TRPC5: variants seen among roughly 807,000 people sequenced by gnomAD.
TRPC5 encodes transient receptor potential cation channel subfamily C member 5, also known as short transient receptor potential channel 5.
TRPC5 carries 9 observed loss-of-function variants against 56.5 expected under a neutral mutation model. The ratio of observed to expected loss-of-function variants is 0.16; its 90% CI spans 0.10 to 0.28. TRPC5 has a LOEUF of 0.28. Among genes scored for constraint, TRPC5 ranks in the 10% least tolerant of loss-of-function variants. The probability of loss-of-function intolerance (pLI) is 1.00; values close to 1 mark genes in which losing one functional copy is unlikely to be tolerated. For synonymous variants in TRPC5, 282 were observed against 278.5 expected (o/e 1.01, Z -0.13); for missense variants, 469 against 748.9 (o/e 0.63, Z 4.36).
At chrX:111,958,619 C>T (rs1308853475) in intron 1 of TRPC5, among the ~76,000 whole-genome samples, 3 of 112,492 alleles carry the variant, frequency 2.7e-5, no homozygotes, top group Non-Finnish European at 5.6e-5. Context: ...GCCCCTCCTT[C>T]ACCTCAAGGA....
At chrX:111,875,444 C>A (rs1158129227) in intron 3 of TRPC5, among the ~76,000 whole-genome samples, 1 of 110,317 alleles carries the variant, frequency 9.1e-6, no homozygotes, top group Non-Finnish European at 1.9e-5. Context: ...GGACTGACAG[C>A]AGGGGATTCA....
rs754178440 is a variant in TRPC5 at position 111,770,420 on chromosome X, G to A, written c.*5893C>T. Among the ~76,000 whole-genome samples the A allele has an allele frequency of 2.7e-4, 30 of 111,672 alleles. No homozygotes were observed. Among genetic ancestry groups the A allele is most frequent in the South Asian group, 7.5e-4 (2 of 2,662 alleles). ...CCCAAAATTTGAAAAATGATTTACC[G>A]GTAGTTCTGCTTTCATATATTGTTG... On this transcript the variant is annotated 3_prime_UTR_variant, in exon 11 of 11. Coordinates refer to ENST00000262839, the MANE Select transcript of TRPC5 (RefSeq NM_012471.3).
chrX:112,080,395 T>TACACACAC (rs201063739), intron 1 of TRPC5, among the ~76,000 whole-genome samples: 1,729 of 79,145 alleles, frequency 0.022, 20 homozygotes, highest in Non-Finnish European at 0.029. Flanking sequence ...AAAAACTACA[T>TACACACAC]ACACACACAC....
At chrX:111,817,639 A>G (rs1291571890) in intron 7 of TRPC5, among the ~76,000 whole-genome samples, 1 of 110,811 alleles carries the variant, frequency 9.0e-6, no homozygotes, top group African/African-American at 3.3e-5. Flanking sequence ...TCTGATTTTT[A>G]CACCCACTCT....
chrX:111,952,397 C>T lies in TRPC5; in HGVS notation c.24G>A (p.Lys8=), dbSNP rs774158098. The T allele has an allele frequency of 5.8e-6, 7 of 1,204,941 alleles. No individual in the cohort carries two copies. In the East Asian group the frequency reaches 1.2e-4, roughly 20 times the overall value. Residue 8 remains lysine (K), a synonymous_variant, in exon 2 of 11, where the codon AAG becomes AAA. Coordinates refer to ENST00000262839, the MANE Select transcript of TRPC5 (RefSeq NM_012471.3). MAQLYYK[K]VNYSPYRDRI... is the part of the protein sequence containing the mutation. ...GGTCTCTGTACGGTGAGTAGTTGACCTTTTTGTAGTACAGTTGGGCCATGG... is the reference window on the plus strand; with the variant it reads ...GGTCTCTGTACGGTGAGTAGTTGACTTTTTTGTAGTACAGTTGGGCCATGG...
rs1032322824 is a variant in TRPC5, at chrX:111,770,107, A to G, written c.*6206T>C. On this transcript the variant is annotated 3_prime_UTR_variant, in exon 11 of 11. Transcript: ENST00000262839. ...AAAATATCAGTCATTATCCTATTTT[A>G]TGTTTATTCCAAATTTATGAGGCTA... is the stretch of plus-strand genomic sequence containing the variant. Among the ~76,000 whole-genome samples, 4 of 111,851 alleles carry G rather than the reference A, an allele frequency of 3.6e-5. No individual in the cohort carries two copies. The highest frequency in any genetic ancestry group is 1.3e-4 in the African/African-American group (4 of 30,802).
intron 7 of TRPC5, among the ~76,000 whole-genome samples, chrX:111,834,451 G>A (rs1359505130): frequency 1.8e-5 from 2 of 110,830 alleles, no homozygotes; most frequent in East Asian, 2.8e-4. Flanking sequence ...AAAAAACGTA[G>A]CCCCCTCCCC....
chrX:111,878,366 C>T (rs140770861), intron 3 of TRPC5, among the ~76,000 whole-genome samples: 170 of 111,162 alleles, frequency 1.5e-3, no homozygotes, highest in African/African-American at 5.1e-3. Flanking sequence ...CTGATTGCTT[C>T]AGTGTGATTG....
intron 3 of TRPC5, among the ~76,000 whole-genome samples, chrX:111,876,670 A>T (rs1923960792): frequency 1.8e-5 from 2 of 111,506 alleles, no homozygotes; most frequent in South Asian, 3.8e-4. Context: ...ATTCTGTTTC[A>T]TATGAATATC....
At chrX:111,805,874 T>C (rs1479438780) in intron 7 of TRPC5, among the ~76,000 whole-genome samples, 1 of 110,504 alleles carries the variant, frequency 9.0e-6, no homozygotes, top group Non-Finnish European at 1.9e-5. Context: ...GGTTTTGCTG[T>C]GTTGCCCAGG....
At chrX:111,905,909 T>C (rs1201878842) in intron 3 of TRPC5, among the ~76,000 whole-genome samples, 90 of 82,590 alleles carry the variant, frequency 1.1e-3, no homozygotes, top group Non-Finnish European at 1.4e-3. Context: ...AGCGAGTCTC[T>C]GTCTCAAAAA....
At chrX:112,036,827 GCCAACTACAGACCCTTCTCT>G (rs1929754315) in intron 1 of TRPC5, among the ~76,000 whole-genome samples, 2 of 111,283 alleles carry the variant, frequency 1.8e-5, no homozygotes, top group Admixed American at 1.9e-4. Context: ...TATCACTTCT[GCCAACTACAGACCCTTCTCT>G]CCACAGAGAC....
chrX:112,046,296 A>G (rs777927933), intron 1 of TRPC5, among the ~76,000 whole-genome samples: 1 of 107,338 alleles, frequency 9.3e-6, no homozygotes, highest in East Asian at 2.9e-4. Context: ...TGATCTCATC[A>G]GACCCCTTCT....
intron 2 of TRPC5, among the ~76,000 whole-genome samples, chrX:111,948,321 T>A (rs1235185687): frequency 6.3e-5 from 7 of 111,569 alleles, no homozygotes; most frequent in African/African-American, 1.3e-4. Context: ...CCTGAGGGCA[T>A]TGAGGTGCAA....
intron 2 of TRPC5, among the ~76,000 whole-genome samples, chrX:111,920,048 G>A (rs1044517295): frequency 8.9e-6 from 1 of 111,864 alleles, no homozygotes; most frequent in South Asian, 3.8e-4. Flanking sequence ...GCCTAGGTGG[G>A]CAGATCACTT....
At chrX:111,898,849 G>T (rs1330380791) in intron 3 of TRPC5, among the ~76,000 whole-genome samples, 2 of 110,149 alleles carry the variant, frequency 1.8e-5, no homozygotes, top group Non-Finnish European at 1.9e-5. Flanking sequence ...ATATCAGAAT[G>T]ACACGAAATC....
In TRPC5 at chrX:111,776,708, TGA is replaced by T; in HGVS notation, c.2525_2526del (p.Leu842GlnfsTer11). On this transcript the variant is annotated frameshift_variant, in exon 11 of 11. Coordinates refer to ENST00000262839, the MANE Select transcript of TRPC5 (RefSeq NM_012471.3). LOFTEE classifies it high-confidence loss of function. The part of the protein sequence containing the change: ...SSKRSFMGPS[L>X]KKLGLLFSKF... ...TTGGAGAATAGGAGACCCAGTTTCT[TGA>T]GAGAAGGACCCATGAAGGAGCGTTT... 3 of 1,211,819 alleles carry T rather than the reference TGA, an allele frequency of 2.5e-6. No homozygotes were observed. The highest frequency in any genetic ancestry group is 3.4e-6 in the Non-Finnish European group (3 of 895,484).
intron 7 of TRPC5, among the ~76,000 whole-genome samples, chrX:111,816,189 G>C (rs1343466569): frequency 8.9e-6 from 1 of 111,876 alleles, no homozygotes; most frequent in African/African-American, 3.3e-5. Flanking sequence ...CAGAACAAAA[G>C]ACAATTGCAA....
intron 1 of TRPC5, among the ~76,000 whole-genome samples, chrX:112,060,959 C>T (rs191370002): frequency 1.8e-5 from 2 of 112,396 alleles, no homozygotes; most frequent in African/African-American, 3.2e-5. Context: ...CCTCCTGGCT[C>T]AGCCTTGGCT....
Sources: gnomAD v4.1 joint callset for allele counts (sites outside exome capture counted in the v4.1 genomes callset) on GRCh38, gnomAD v4.1.1 for gene constraint, MANE v1.5 for transcripts, NCBI Gene and HGNC (gene_info 2026-07-23, HGNC 2026-07-21) for gene names.